Variants in PLCE1 observed in about 807,000 individuals in gnomAD.
The protein encoded by PLCE1 is phospholipase C epsilon 1.
PLCE1 carries 119 observed loss-of-function variants against 242.8 expected under a neutral mutation model. The observed-to-expected ratio is 0.49, with a 90% CI of 0.42 to 0.57. The LOEUF (loss-of-function observed/expected upper bound fraction) is 0.57, where lower values mean the gene tolerates loss of function less well. Ranked by LOEUF, PLCE1 falls within the 20% of genes least tolerant of loss-of-function variation. The pLI is 0.00. For missense variants in PLCE1, 2,441 were observed against 2,788.8 expected (o/e 0.88, Z 2.81); for synonymous variants, 945 against 1,017.4 (o/e 0.93, Z 1.35).
chr10:94,001,438 T>C (rs2060928568), intron 1 of PLCE1, among the ~76,000 whole-genome samples: 1 of 152,200 alleles, frequency 6.6e-6, no homozygotes, highest in African/African-American at 2.4e-5. Flanking sequence ...CATTGCTTTA[T>C]AGGAATAGCC....
chr10:94,188,256 T>A (rs1298195483), intron 4 of PLCE1, among the ~76,000 whole-genome samples: 1 of 152,240 alleles, frequency 6.6e-6, no homozygotes, highest in Non-Finnish European at 1.5e-5. Flanking sequence ...AACCTGTATA[T>A]TTATAGTCCT....
In PLCE1 at chr10:94,205,565, G is replaced by A. The variant is rs939226373; in HGVS notation, c.1810-21741G>A. Among the ~76,000 whole-genome samples, 3 of 152,332 alleles carry A rather than the reference G, an allele frequency of 2.0e-5. No individual in the cohort carries two copies. In the South Asian group the frequency reaches 6.2e-4, roughly 32 times the overall value. Reference sequence around the variant, plus strand: ...TAGAACATGGAAAAGAGGACCAGCTGGCAAGAGTCGGAAGCCAGAAGTTGC... The same window carrying A: ...TAGAACATGGAAAAGAGGACCAGCTAGCAAGAGTCGGAAGCCAGAAGTTGC... On this transcript the variant is annotated intron_variant, in intron 4 of 32. Coordinates refer to ENST00000371380, the MANE Select transcript of PLCE1 (RefSeq NM_016341.4).
chr10:94,165,589 A>G (rs1353736013), intron 3 of PLCE1, among the ~76,000 whole-genome samples: 1 of 152,152 alleles, frequency 6.6e-6, no homozygotes, highest in Non-Finnish European at 1.5e-5. Context: ...AGTAACTTAC[A>G]AAAAAACAGT....
intron 22 of PLCE1, among the ~76,000 whole-genome samples, chr10:94,289,465 T>C (rs949434666): frequency 1.3e-5 from 2 of 152,302 alleles, no homozygotes. Flanking sequence ...AATGCTTCAT[T>C]AGATTATTTT....
At chr10:94,252,624 A>G (rs2050919433) in intron 9 of PLCE1, 126 bp downstream of exon 9, 4 of 814,720 alleles carry the variant, frequency 4.9e-6, no homozygotes, top group South Asian at 3.0e-5. Context: ...TAGAAGATAC[A>G]AGGGCTTACC....
At chr10:94,113,402 G>A (rs1278504878) in intron 2 of PLCE1, among the ~76,000 whole-genome samples, 3 of 152,062 alleles carry the variant, frequency 2.0e-5, no homozygotes, top group Non-Finnish European at 2.9e-5. Context: ...CAATAAAATG[G>A]GGACAATAAC....
chr10:94,288,956 A>G (rs1442386080), intron 22 of PLCE1, among the ~76,000 whole-genome samples: 1 of 152,082 alleles, frequency 6.6e-6, no homozygotes, highest in Non-Finnish European at 1.5e-5. Flanking sequence ...GGTCCCTGGC[A>G]CTGAGAGTTG....
At chr10:94,051,149 G>A (rs551019140) in intron 2 of PLCE1, among the ~76,000 whole-genome samples, 14 of 151,970 alleles carry the variant, frequency 9.2e-5, no homozygotes, top group Non-Finnish European at 1.9e-4. Flanking sequence ...GTGGTTTGAA[G>A]TGCATCATTT....
Position 94,298,424 on chromosome 10 carries a change from C to G in PLCE1, c.5213C>G (p.Pro1738Arg), listed in dbSNP as rs770207968. The change falls in exon 24 of 33, where the codon CCT becomes CGT. Residue 1738 changes from proline to arginine, a missense_variant. By Grantham distance (103) the Pro-to-Arg change is moderately radical. Transcript: ENST00000371380. The surrounding 1 kb of genome is among the most constrained non-coding windows in gnomAD (Gnocchi z 5.2). Reference sequence around the variant, plus strand: ...CAGACCTGGGAGGAATCTTCTTCCCCTCTCAACCCAACCACGTCCCTCAGT... The same window carrying G: ...CAGACCTGGGAGGAATCTTCTTCCCGTCTCAACCCAACCACGTCCCTCAGT... ...IRQTWEESSS[P>R]LNPTTSLSAI... is the part of the protein sequence containing the mutation. 1.2e-6 allele frequency: 2 copies of G among 1,614,064 alleles called. No individual in the cohort carries two copies. The highest frequency in any genetic ancestry group is 1.7e-6 in the Non-Finnish European group (2 of 1,179,934).
At chr10:94,263,513 CAAAA>C (rs780289280) in intron 14 of PLCE1, among the ~76,000 whole-genome samples, 3 of 76,844 alleles carry the variant, frequency 3.9e-5, no homozygotes, top group Non-Finnish European at 5.4e-5. Context: ...GACCCCATCT[CAAAA>C]AAAAAAAAAA....
intron 4 of PLCE1, among the ~76,000 whole-genome samples, chr10:94,195,459 A>C (rs1209497384): frequency 6.6e-6 from 1 of 152,148 alleles, no homozygotes; most frequent in African/African-American, 2.4e-5. Flanking sequence ...ATAGAAGCAG[A>C]AGTTTGGATC....
rs1484660076 is a variant in PLCE1, at chr10:93,994,028, CGCGGCGGGAGGGGCA to C, written c.-587_-573del. ...GGCAACGCGGCGGGCGGCGGGCTCG[CGCGGCGGGAGGGGCA>C]GCGGCGGCGCGCCCGGGCTCTACCT... On this transcript the variant is annotated 5_prime_UTR_variant, in exon 1 of 33. Coordinates refer to ENST00000371380, the MANE Select transcript of PLCE1 (RefSeq NM_016341.4). Among the ~76,000 whole-genome samples, 18 of 151,784 alleles carry C rather than the reference CGCGGCGGGAGGGGCA, an allele frequency of 1.2e-4. No homozygotes were observed. In the East Asian group the frequency reaches 3.5e-3, roughly 30 times the overall value.
At chr10:94,278,571 A>C (rs2133234218) in intron 19 of PLCE1, among the ~76,000 whole-genome samples, 1 of 152,310 alleles carries the variant, frequency 6.6e-6, no homozygotes, top group East Asian at 1.9e-4. Context: ...ACATGTGATC[A>C]CTGTATTCAA....
intron 32 of PLCE1, 33 bp downstream of exon 32, chr10:94,325,137 G>A: frequency 6.9e-7 from 1 of 1,457,224 alleles, no homozygotes; most frequent in Non-Finnish European, 9.6e-7. Flanking sequence ...CCTGGAACAG[G>A]GCTTAACTTA....
intron 4 of PLCE1, among the ~76,000 whole-genome samples, chr10:94,171,762 G>A (rs1005394077): frequency 6.6e-6 from 1 of 151,752 alleles, no homozygotes; most frequent in Non-Finnish European, 1.5e-5. Flanking sequence ...AGTCCCTTTG[G>A]GCACCCAGAA....
chr10:94,056,509 G>A (rs2043908333), intron 2 of PLCE1, among the ~76,000 whole-genome samples: 1 of 151,882 alleles, frequency 6.6e-6, no homozygotes, highest in African/African-American at 2.4e-5. Context: ...ACCACTAAAG[G>A]ATGCCTAGTG....
intron 1 of PLCE1, among the ~76,000 whole-genome samples, chr10:93,998,637 C>A (rs1431217831): frequency 6.6e-6 from 1 of 152,158 alleles, no homozygotes; most frequent in African/African-American, 2.4e-5. Context: ...GAGACAGACA[C>A]ATCCTGAGTG....
At chr10:94,002,817 A>G (rs2060956958) in intron 1 of PLCE1, among the ~76,000 whole-genome samples, 1 of 152,204 alleles carries the variant, frequency 6.6e-6, no homozygotes, top group Non-Finnish European at 1.5e-5. Flanking sequence ...TAAAATTGGG[A>G]TCACATGATA....
At chr10:94,249,943 A>G (rs1042353333) in intron 8 of PLCE1, among the ~76,000 whole-genome samples, 16 of 149,086 alleles carry the variant, frequency 1.1e-4, no homozygotes, top group South Asian at 2.1e-4. Flanking sequence ...TACGTGGGGG[A>G]AAAAAAAAAG....
Sources: allele counts gnomAD v4.1 joint callset (sites outside exome capture counted in the v4.1 genomes callset), GRCh38; gene constraint gnomAD v4.1.1; non-coding constraint Gnocchi (gnomAD v3.1); transcripts MANE v1.5; gene names NCBI Gene and HGNC (gene_info 2026-07-23, HGNC 2026-07-21).